ESCO2: variants seen among roughly 807,000 people sequenced by gnomAD.
ESCO2 encodes the protein N-acetyltransferase ESCO2.
Under a neutral mutation model 61.7 loss-of-function variants are expected in ESCO2, and 51 were observed. The ratio of observed to expected loss-of-function variants is 0.83; its 90% CI spans 0.66 to 1.04. The LOEUF is 1.04. Ranked by LOEUF, ESCO2 falls within the 50% of genes least tolerant of loss-of-function variation. ESCO2 has a pLI of 0.00. For missense variants in ESCO2, 692 were observed against 686.2 expected (o/e 1.01, Z -0.09); for synonymous variants, 230 against 238.2 (o/e 0.97, Z 0.32).
chr8:27,783,333 C>A (rs117379846), intron 4 of ESCO2, among the ~76,000 whole-genome samples: 2,209 of 152,228 alleles, frequency 0.015, 49 homozygotes, highest in African/African-American at 0.045. Context: ...GAACTATTGA[C>A]ATACCATAAG....
chr8:27,772,618 G>T (rs1804673461), upstream of ESCO2: 1 of 1,452,152 alleles, frequency 6.9e-7, no homozygotes, highest in African/African-American at 1.4e-5. Context: ...CAGACTCGCG[G>T]CGGCCGCCTG....
Position 27,782,862 on chromosome 8 carries a change from C to CT in ESCO2, c.956-1133dup, listed in dbSNP as rs761425809. 7.2e-5 allele frequency among the ~76,000 whole-genome samples: 11 copies of CT among 152,230 alleles called. No homozygotes were observed. The Middle Eastern group carries it at 0.01, about 141-fold the overall frequency. ...GCTAAAGTTACTTAGGACAGCTTCT[C>CT]TTTTTCCCCCTACCTCCTTCAGTGT... On this transcript the variant is annotated intron_variant, in intron 4 of 10. Coordinates refer to ENST00000305188, the MANE Select transcript of ESCO2 (RefSeq NM_001017420.3).
At chr8:27,792,295 G>A (rs1032107606) in intron 8 of ESCO2, among the ~76,000 whole-genome samples, 5 of 152,092 alleles carry the variant, frequency 3.3e-5, no homozygotes, top group Admixed American at 1.3e-4. Flanking sequence ...AGCTTTCAAT[G>A]TTGAGAAATT....
At chr8:27,816,720 TA>T (rs976739514), downstream of ESCO2, among the ~76,000 whole-genome samples, 13 of 151,964 alleles carry the variant, frequency 8.6e-5, no homozygotes, top group African/African-American at 2.2e-4. Context: ...ATTACCTGTT[TA>T]AAAAAAATTT....
At chr8:27,803,255 T>A in intron 10 of ESCO2, 51 bp from the exon 11 acceptor site, 1 of 1,521,954 alleles carries the variant, frequency 6.6e-7, no homozygotes, top group Non-Finnish European at 9.1e-7. Flanking sequence ...CTCATGTTAA[T>A]TAGAATGTTA....
At chr8:27,818,740 C>T in the ESCO2 span, among the ~76,000 whole-genome samples, 9 of 151,226 alleles carry the variant, frequency 6.0e-5, no homozygotes, top group East Asian at 1.4e-3. Context: ...ATATAGAATT[C>T]TTTTTTTTTA....
At chr8:27,817,305 TATC>T (rs950300967), downstream of ESCO2, among the ~76,000 whole-genome samples, 2 of 152,296 alleles carry the variant, frequency 1.3e-5, no homozygotes, top group South Asian at 2.1e-4. Context: ...AGGAACATTT[TATC>T]ATCATAGAAA....
intron 8 of ESCO2, among the ~76,000 whole-genome samples, chr8:27,792,345 G>A (rs1805196158): frequency 1.3e-5 from 2 of 152,110 alleles, no homozygotes; most frequent in Admixed American, 6.5e-5. Context: ...GGTGTTGCTT[G>A]TGTTTCTGAG....
Position 27,776,689 on chromosome 8 carries a change from A to G in ESCO2, c.381A>G (p.Gln127=). The G allele has an allele frequency of 6.2e-7, 1 of 1,613,830 alleles. No homozygotes were observed. Among genetic ancestry groups the G allele is most frequent in the Non-Finnish European group, 8.5e-7 (1 of 1,180,024 alleles). ...KSFPIVTEKM[Q]GKPVCSKKNN... The stretch of plus-strand genomic sequence containing the variant: ...TTCCCATTGTGACAGAAAAAATGCA[A>G]GGAAAACCAGTCTGCTCCAAGAAGA... The change falls in exon 3 of 11, where the codon CAA becomes CAG. Residue 127 remains glutamine, a synonymous_variant. Coordinates refer to ENST00000305188, the MANE Select transcript of ESCO2 (RefSeq NM_001017420.3).
chr8:27,816,343 C>CATATATATA (rs1554559819), downstream of ESCO2, among the ~76,000 whole-genome samples: 7 of 136,380 alleles, frequency 5.1e-5, no homozygotes, highest in African/African-American at 2.0e-4. Context: ...TCATCGAATA[C>CATATATATA]TATATATATA....
downstream of ESCO2, chr8:27,811,209 C>A: frequency 1.5e-6 from 2 of 1,297,214 alleles, no homozygotes; most frequent in Non-Finnish European, 2.2e-6. Flanking sequence ...GGGAAACAGG[C>A]GAACGATTTG....
Position 27,803,611 on chromosome 8 carries a change from T to G in ESCO2, c.*173T>G. The G allele has an allele frequency of 7.2e-7, 1 of 1,380,306 alleles. No homozygotes were observed. The highest frequency in any genetic ancestry group is 9.3e-7 in the Non-Finnish European group (1 of 1,074,444). The allele number at this position is 1,380,306 out of a possible 1,614,324, so 85.5% of individuals were successfully genotyped here. On this transcript the variant is annotated 3_prime_UTR_variant, in exon 11 of 11. Coordinates refer to ENST00000305188, the MANE Select transcript of ESCO2 (RefSeq NM_001017420.3). ...GTTTTGTTCCTTATGAGTTGAAAAGTCAGGAATAAATTTGTTGAAAATTAT... is the reference window on the plus strand; with the variant it reads ...GTTTTGTTCCTTATGAGTTGAAAAGGCAGGAATAAATTTGTTGAAAATTAT...
intron 9 of ESCO2, among the ~76,000 whole-genome samples, chr8:27,793,631 C>G (rs1219993390): frequency 1.3e-5 from 2 of 151,892 alleles, no homozygotes; most frequent in African/African-American, 4.8e-5. Flanking sequence ...GGACTACAGC[C>G]GCGTGCCACC....
At position 27,788,872 on chromosome 8, in the gene ESCO2, C is replaced by T. The variant is rs143606966; in HGVS notation, c.1157C>T (p.Ala386Val). 1.3e-5 allele frequency: 21 copies of T among 1,613,928 alleles called. No individual in the cohort carries two copies. In the African/African-American group the frequency reaches 2.8e-4, roughly 22 times the overall value. ...GACGCTGGTCAGAAACATTTTGGGG[C>T]TACTGTGTGCAAGTCTTGTGGTATG... ...IIDAGQKHFG[A>V]TVCKSCGMIY... is the part of the protein sequence containing the mutation. The change falls in exon 7 of 11, where the codon GCT becomes GTT. Residue 386 changes from alanine to valine, a missense_variant. Ala to Val is a moderately conservative substitution (Grantham distance 64). Coordinates refer to ENST00000305188, the MANE Select transcript of ESCO2 (RefSeq NM_001017420.3).
intron 7 of ESCO2, among the ~76,000 whole-genome samples, chr8:27,789,893 C>G (rs1397606826): frequency 6.6e-6 from 1 of 151,896 alleles, no homozygotes; most frequent in Non-Finnish European, 1.5e-5. Flanking sequence ...CTGGCCTCAA[C>G]CTTTCCTATA....
intron 5 of ESCO2, among the ~76,000 whole-genome samples, chr8:27,787,227 T>C (rs1317842320): frequency 6.6e-6 from 1 of 152,188 alleles, no homozygotes; most frequent in Non-Finnish European, 1.5e-5. Context: ...AGATTTGGCC[T>C]GAGGGGCTCC....
rs555609916 is a variant in ESCO2, at chr8:27,787,578, G to C, written c.1014-307G>C. 4.6e-5 allele frequency among the ~76,000 whole-genome samples: 7 copies of C among 152,280 alleles called. No individual in the cohort carries two copies. The South Asian group carries it at 1.5e-3, about 32-fold the overall frequency. ...AAAAAATCTTTTTTTAAAGGGCAAAGTCAATTTCCAAAGTGTGCATCTATG... is the reference window on the plus strand; with the variant it reads ...AAAAAATCTTTTTTTAAAGGGCAAACTCAATTTCCAAAGTGTGCATCTATG... On this transcript the variant is annotated intron_variant, in intron 5 of 10. Transcript: ENST00000305188.
At chr8:27,808,517 TA>T (rs59212659), downstream of ESCO2, among the ~76,000 whole-genome samples, 23,491 of 141,118 alleles carry the variant, frequency 0.17, 2,304 homozygotes, top group East Asian at 0.37. Context: ...CTACAAAAAA[TA>T]AAAAAAAAAA....
chr8:27,797,967 T>C (rs2128957265), intron 9 of ESCO2, among the ~76,000 whole-genome samples: 1 of 152,330 alleles, frequency 6.6e-6, no homozygotes, highest in African/African-American at 2.4e-5. Context: ...TGTTCTCTTC[T>C]ACTCTCAGGT....
Sources: gnomAD v4.1 joint callset for allele counts (sites outside exome capture counted in the v4.1 genomes callset) on GRCh38, gnomAD v4.1.1 for gene constraint, MANE v1.5 for transcripts, NCBI Gene and HGNC (gene_info 2026-07-23, HGNC 2026-07-21) for gene names.